SPMIP2: variants seen among roughly 807,000 people sequenced by gnomAD.
SPMIP2 encodes protein SPMIP2.
chr4:158,900,241 G>A, the SPMIP2 span, among the ~76,000 whole-genome samples: 4 of 152,178 alleles, frequency 2.6e-5, no homozygotes, highest in African/African-American at 4.8e-5. Flanking sequence ...TGCATTTGCC[G>A]AGGAGTGTTT....
the SPMIP2 span, among the ~76,000 whole-genome samples, chr4:159,012,083 A>G: frequency 6.6e-6 from 1 of 151,742 alleles, no homozygotes; most frequent in African/African-American, 2.4e-5. Context: ...TTATTCCTCA[A>G]ATGGCTTCTT....
the SPMIP2 span, among the ~76,000 whole-genome samples, chr4:158,904,266 C>T: frequency 1.3e-5 from 2 of 152,152 alleles, no homozygotes; most frequent in Non-Finnish European, 2.9e-5. Context: ...CCTTTGCCTC[C>T]CTGGTCAGTG....
the SPMIP2 span, among the ~76,000 whole-genome samples, chr4:158,954,578 C>T: frequency 6.6e-6 from 1 of 152,166 alleles, no homozygotes; most frequent in African/African-American, 2.4e-5. Context: ...AATCTCATGC[C>T]CAGCTGTTTA....
chr4:158,909,748 A>T, the SPMIP2 span, among the ~76,000 whole-genome samples: 167 of 151,874 alleles, frequency 1.1e-3, 1 homozygote, highest in Admixed American at 4.8e-3. Flanking sequence ...TAATTTTTTT[A>T]AAAAAAATTT....
the SPMIP2 span, among the ~76,000 whole-genome samples, chr4:159,014,662 C>G: frequency 1.3e-5 from 2 of 152,118 alleles, no homozygotes; most frequent in East Asian, 1.9e-4. Flanking sequence ...GCATTTTATG[C>G]TTTTTCTCCA....
chr4:159,026,184 C>T, the SPMIP2 span: 16 of 438,068 alleles, frequency 3.7e-5, no homozygotes, highest in Non-Finnish European at 5.8e-5. Context: ...TTGATGAATA[C>T]GTGAAGGAAC....
At chr4:158,991,573 C>A in the SPMIP2 span, among the ~76,000 whole-genome samples, 1 of 152,208 alleles carries the variant, frequency 6.6e-6, no homozygotes, top group Non-Finnish European at 1.5e-5. Flanking sequence ...TCCTAATCAC[C>A]ATCACTCCCC....
chr4:159,037,959 AG>A, the SPMIP2 span, among the ~76,000 whole-genome samples: 2 of 152,020 alleles, frequency 1.3e-5, no homozygotes, highest in African/African-American at 4.8e-5. Context: ...CATTACGTAA[AG>A]ATATTTCTCT....
chr4:158,939,438 ACT>A, the SPMIP2 span, among the ~76,000 whole-genome samples: 1 of 151,802 alleles, frequency 6.6e-6, no homozygotes, highest in Admixed American at 6.6e-5. Flanking sequence ...TTTTGATATG[ACT>A]CTCGAAAATA....
the SPMIP2 span, among the ~76,000 whole-genome samples, chr4:159,015,306 A>T: frequency 5.9e-5 from 9 of 152,364 alleles, no homozygotes; most frequent in Non-Finnish European, 1.2e-4. Flanking sequence ...GAAGGAAAGG[A>T]AAAATGCAGT....
chr4:159,005,965 A>C, the SPMIP2 span, among the ~76,000 whole-genome samples: 1 of 152,188 alleles, frequency 6.6e-6, no homozygotes, highest in African/African-American at 2.4e-5. Context: ...GAGTTTCGCC[A>C]TGTTGGCCAG....
the SPMIP2 span, among the ~76,000 whole-genome samples, chr4:159,061,969 T>A: frequency 6.6e-6 from 1 of 152,110 alleles, no homozygotes; most frequent in Non-Finnish European, 1.5e-5. Flanking sequence ...ATAGTGATGG[T>A]ATAAAGGTTG....
At chr4:159,057,515 G>A in the SPMIP2 span, among the ~76,000 whole-genome samples, 1 of 152,090 alleles carries the variant, frequency 6.6e-6, no homozygotes, top group Non-Finnish European at 1.5e-5. Context: ...CATGGCTGAT[G>A]GTAGAGAAAT....
chr4:158,977,631 T>TTC, the SPMIP2 span, among the ~76,000 whole-genome samples: 2 of 144,880 alleles, frequency 1.4e-5, no homozygotes, highest in Admixed American at 1.4e-4. Context: ...TTTTTTCTCT[T>TTC]TGAGACGGAG....
the SPMIP2 span, among the ~76,000 whole-genome samples, chr4:159,066,585 T>C: frequency 1.9e-5 from 2 of 105,004 alleles, no homozygotes; most frequent in African/African-American, 7.5e-5. Flanking sequence ...TACGTGTGTG[T>C]ATTTTATATA....
At chr4:158,894,431 C>G in the SPMIP2 span, among the ~76,000 whole-genome samples, 1 of 152,076 alleles carries the variant, frequency 6.6e-6, no homozygotes, top group African/African-American at 2.4e-5. Flanking sequence ...CTCAGCCTCC[C>G]AAAGTGCTAG....
the SPMIP2 span, among the ~76,000 whole-genome samples, chr4:158,947,822 T>C: frequency 6.6e-6 from 1 of 152,240 alleles, no homozygotes; most frequent in East Asian, 1.9e-4. Context: ...AACAAGGAAA[T>C]CAATTTTTTC....
the SPMIP2 span, among the ~76,000 whole-genome samples, chr4:158,923,093 AC>A: frequency 6.6e-6 from 1 of 152,156 alleles, no homozygotes; most frequent in Non-Finnish European, 1.5e-5. Flanking sequence ...TTATTTCTGG[AC>A]TCTAAAATTT....
chr4:159,037,725 A>G, the SPMIP2 span, among the ~76,000 whole-genome samples: 1 of 151,022 alleles, frequency 6.6e-6, no homozygotes, highest in Non-Finnish European at 1.5e-5. Context: ...GTGAGCTGTG[A>G]TCATACCACT....
Sources: gnomAD v4.1 joint callset for allele counts (sites outside exome capture counted in the v4.1 genomes callset) on GRCh38, gnomAD v4.1.1 for gene constraint, MANE v1.5 for transcripts, NCBI Gene and HGNC (gene_info 2026-07-23, HGNC 2026-07-21) for gene names.